The following PRDM11 variants were observed in gnomAD, a reference collection of about 807,000 sequenced individuals.
PRDM11 encodes PR domain-containing protein 11.
In PRDM11, 20 loss-of-function variants were observed where a neutral mutation model predicts 97.8. The ratio of observed to expected loss-of-function variants is 0.20; its 90% CI spans 0.14 to 0.30. PRDM11 has a LOEUF of 0.30. PRDM11 is among the 10% of genes least tolerant of loss of function. The probability of loss-of-function intolerance (pLI) is 1.00; values close to 1 mark genes in which losing one functional copy is unlikely to be tolerated. For missense variants in PRDM11, 1,139 were observed against 1,555.2 expected (o/e 0.73, Z 4.50); for synonymous variants, 599 against 637.7 (o/e 0.94, Z 0.91).
In PRDM11 at chr11:45,189,520, C is replaced by T. The variant is rs186606061; in HGVS notation, c.486+6397C>T. 9.2e-5 allele frequency among the ~76,000 whole-genome samples: 14 copies of T among 152,214 alleles called. No individual in the cohort carries two copies. The East Asian group carries it at 1.4e-3, about 15-fold the overall frequency. On this transcript the variant is annotated intron_variant, in intron 4 of 7. Coordinates refer to ENST00000683152, the MANE Select transcript of PRDM11 (RefSeq NM_001384648.1). ...TCCTGAGGAGGTCCGCCCTTCTGGG[C>T]GCTGATACTGGATAGGTTTCCCAGG...
intron 1 of PRDM11, among the ~76,000 whole-genome samples, chr11:45,134,357 G>A (rs1852784543): frequency 6.6e-6 from 1 of 152,022 alleles, no homozygotes; most frequent in Non-Finnish European, 1.5e-5. Context: ...AAGTTATAGA[G>A]ACTAGTATAA....
At chr11:45,099,703 TG>T (rs773409066) in intron 1 of PRDM11, among the ~76,000 whole-genome samples, 9 of 152,214 alleles carry the variant, frequency 5.9e-5, no homozygotes, top group Non-Finnish European at 1.2e-4. Context: ...ATTTATTCTT[TG>T]TGTTATAAAC....
intron 1 of PRDM11, among the ~76,000 whole-genome samples, chr11:45,098,120 C>T (rs1364644116): frequency 6.6e-6 from 1 of 152,228 alleles, no homozygotes; most frequent in African/African-American, 2.4e-5. Context: ...TCAGGGAACC[C>T]ACCCAGGCCT....
chr11:45,130,608 T>C (rs144033872), intron 1 of PRDM11, among the ~76,000 whole-genome samples: 2 of 152,322 alleles, frequency 1.3e-5, no homozygotes, highest in East Asian at 3.9e-4. Flanking sequence ...GTATTGTTTT[T>C]GAGAGTGTAA....
At chr11:45,128,785 A>C (rs1341379939) in intron 1 of PRDM11, among the ~76,000 whole-genome samples, 1 of 152,136 alleles carries the variant, frequency 6.6e-6, no homozygotes, top group Non-Finnish European at 1.5e-5. Context: ...AGAAATAAAA[A>C]ACACCTCCAA....
chr11:45,207,186 G>A (rs556300446), intron 5 of PRDM11, among the ~76,000 whole-genome samples: 3 of 152,184 alleles, frequency 2.0e-5, no homozygotes, highest in Non-Finnish European at 4.4e-5. Context: ...GTTAATCCTG[G>A]GAATCCTCCT....
chr11:45,187,358 A>G lies in PRDM11; in HGVS notation c.486+4235A>G, dbSNP rs562782350. Among the ~76,000 whole-genome samples the G allele has an allele frequency of 2.6e-5, 4 of 152,360 alleles. No homozygotes were observed. The South Asian group carries it at 6.2e-4, about 24-fold the overall frequency. ...GAGAAAAAATCTAAGACTGTGCCCA[A>G]GGAATGGCTATTAGGATCCCTTTCT... On this transcript the variant is annotated intron_variant, in intron 4 of 7. Transcript: ENST00000683152.
At chr11:45,140,136 A>G (rs903271666) in intron 1 of PRDM11, among the ~76,000 whole-genome samples, 1 of 152,242 alleles carries the variant, frequency 6.6e-6, no homozygotes, top group Admixed American at 6.5e-5. Context: ...TTATCTCAAA[A>G]TGAAGATCAT....
At chr11:45,171,702 G>T (rs189283966) in intron 1 of PRDM11, among the ~76,000 whole-genome samples, 1 of 152,342 alleles carries the variant, frequency 6.6e-6, no homozygotes, top group East Asian at 1.9e-4. Context: ...GTGTCCCAGT[G>T]AGGATGGCTC....
At chr11:45,106,145 G>A (rs1852057568) in intron 1 of PRDM11, among the ~76,000 whole-genome samples, 1 of 152,242 alleles carries the variant, frequency 6.6e-6, no homozygotes, top group Admixed American at 6.5e-5. Context: ...CCAGAGGGAA[G>A]GAAAGGGCCT....
chr11:45,100,901 G>A (rs1334135577), intron 1 of PRDM11, among the ~76,000 whole-genome samples: 1 of 152,236 alleles, frequency 6.6e-6, no homozygotes, highest in East Asian at 1.9e-4. Context: ...CAAAGTTTAA[G>A]TATTTGCCCA....
At chr11:45,147,380 G>T (rs1851547247) in intron 1 of PRDM11, 2 of 152,194 alleles carry the variant, frequency 1.3e-5, no homozygotes, top group Non-Finnish European at 2.9e-5. Context: ...GCCGGGGGCT[G>T]CTGCGGGGTG....
At position 45,219,809 on chromosome 11, in the gene PRDM11, G is replaced by A; in HGVS notation, c.742+52G>A. 5.8e-6 allele frequency: 9 copies of A among 1,546,144 alleles called. No homozygotes were observed. The highest frequency in any genetic ancestry group is 7.9e-6 in the Non-Finnish European group (9 of 1,142,892). ...CGCCCACCTCTGAGCCCCAGGGGAG[G>A]CCTGGATAGCTTGTTTTGGAGCTTC... On this transcript the variant is annotated intron_variant, in intron 6 of 7. Coordinates refer to ENST00000683152, the MANE Select transcript of PRDM11 (RefSeq NM_001384648.1). The surrounding 1 kb of genome is among the most constrained non-coding windows in gnomAD (Gnocchi z 4.2).
At chr11:45,172,839 C>T (rs540363076) in intron 1 of PRDM11, among the ~76,000 whole-genome samples, 1 of 152,138 alleles carries the variant, frequency 6.6e-6, no homozygotes, top group Non-Finnish European at 1.5e-5. Flanking sequence ...GTCCTGGAAC[C>T]AATTCCCCTC....
At chr11:45,114,835 A>G (rs1779665523) in intron 1 of PRDM11, among the ~76,000 whole-genome samples, 1 of 152,118 alleles carries the variant, frequency 6.6e-6, no homozygotes, top group South Asian at 2.1e-4. Context: ...AAAAAAACTT[A>G]GAATTATATA....
intron 1 of PRDM11, among the ~76,000 whole-genome samples, chr11:45,099,684 C>T (rs1456900766): frequency 6.6e-6 from 1 of 152,048 alleles, no homozygotes; most frequent in Non-Finnish European, 1.5e-5. Flanking sequence ...GGTATCCATC[C>T]CCTCAAGCAT....
At chr11:45,133,726 C>T (rs1304659067) in intron 1 of PRDM11, among the ~76,000 whole-genome samples, 1 of 152,172 alleles carries the variant, frequency 6.6e-6, no homozygotes, top group Non-Finnish European at 1.5e-5. Context: ...ACACAGATCC[C>T]CAACGGGCAC....
chr11:45,155,902 A>G (rs1851782477), intron 1 of PRDM11, among the ~76,000 whole-genome samples: 1 of 152,112 alleles, frequency 6.6e-6, no homozygotes, highest in African/African-American at 2.4e-5. Context: ...GGCATGTTCC[A>G]TTCAACCCTC....
chr11:45,098,422 C>T (rs548274720), intron 1 of PRDM11, among the ~76,000 whole-genome samples: 1 of 152,298 alleles, frequency 6.6e-6, no homozygotes, highest in Non-Finnish European at 1.5e-5. Context: ...TCTTGAAAAG[C>T]TTGGACTTAG....
Sources: gnomAD v4.1 joint callset for allele counts (sites outside exome capture counted in the v4.1 genomes callset) on GRCh38, gnomAD v4.1.1 for gene constraint, Gnocchi (gnomAD v3.1) non-coding constraint, MANE v1.5 for transcripts, NCBI Gene and HGNC (gene_info 2026-07-23, HGNC 2026-07-21) for gene names.